DNM3: variants seen among roughly 807,000 people sequenced by gnomAD.
DNM3 encodes dynamin-3.
DNM3 carries 47 observed loss-of-function variants against 101.6 expected under a neutral mutation model. The observed-to-expected ratio is 0.46, with a 90% CI of 0.37 to 0.59. The LOEUF (loss-of-function observed/expected upper bound fraction) is 0.59, where lower values mean the gene tolerates loss of function less well. DNM3 is among the 20% of genes least tolerant of loss of function. The pLI, the probability that DNM3 is intolerant of heterozygous loss-of-function variation, is 0.00. For synonymous variants in DNM3, 385 were observed against 387.9 expected, an observed-to-expected ratio of 0.99 and a Z score of 0.09; for missense variants, 849 against 1,085.7, an observed-to-expected ratio of 0.78 and a Z score of 3.06.
chr1:172,193,399 C>T (rs538899461), intron 14 of DNM3, among the ~76,000 whole-genome samples: 1 of 152,236 alleles, frequency 6.6e-6, no homozygotes, highest in Admixed American at 6.6e-5. Flanking sequence ...AGGATTCCCT[C>T]TTTTTCTATT....
intron 1 of DNM3, among the ~76,000 whole-genome samples, chr1:171,852,440 G>A (rs2033086312): frequency 6.6e-6 from 1 of 152,198 alleles, no homozygotes; most frequent in South Asian, 2.1e-4. Flanking sequence ...TCCACAATAT[G>A]CCAGGAATTG....
chr1:172,241,314 G>A (rs2148650539), intron 14 of DNM3, among the ~76,000 whole-genome samples: 1 of 151,102 alleles, frequency 6.6e-6, no homozygotes, highest in African/African-American at 2.4e-5. Flanking sequence ...AAAAGTCCTG[G>A]AATTTCAAAA....
chr1:172,049,085 G>A (rs1183997105), intron 10 of DNM3, among the ~76,000 whole-genome samples: 6 of 152,172 alleles, frequency 3.9e-5, no homozygotes, highest in Non-Finnish European at 7.3e-5. Context: ...GTAATTGTTA[G>A]AGAAGGAAAT....
At chr1:172,099,772 G>A (rs2054504523) in intron 13 of DNM3, among the ~76,000 whole-genome samples, 1 of 152,224 alleles carries the variant, frequency 6.6e-6, no homozygotes. Flanking sequence ...CTGAAAGTCA[G>A]AGATGTTATT....
chr1:172,047,254 G>A (rs1450168641), intron 9 of DNM3, among the ~76,000 whole-genome samples: 2 of 152,148 alleles, frequency 1.3e-5, no homozygotes, highest in Non-Finnish European at 2.9e-5. Flanking sequence ...AAGGGAGGGA[G>A]ACAGTCCTTA....
intron 1 of DNM3, among the ~76,000 whole-genome samples, chr1:171,918,461 G>T (rs1190492347): frequency 6.6e-6 from 1 of 152,182 alleles, no homozygotes; most frequent in Non-Finnish European, 1.5e-5. Flanking sequence ...TTTTCATTTT[G>T]CTGGACCATC....
intron 14 of DNM3, among the ~76,000 whole-genome samples, chr1:172,185,640 C>G (rs2059496284): frequency 6.6e-6 from 1 of 152,010 alleles, no homozygotes; most frequent in South Asian, 2.1e-4. Flanking sequence ...TGTTTGTGCA[C>G]TTAGGAATCA....
At chr1:172,093,009 T>C (rs2054016346) in intron 13 of DNM3, 134 bp downstream of exon 13, 3 of 833,666 alleles carry the variant, frequency 3.6e-6, no homozygotes, top group East Asian at 5.9e-5. Context: ...TTTTGATTTG[T>C]TTTTGCTTTT....
chr1:172,128,406 G>C (rs2056757212), intron 13 of DNM3, among the ~76,000 whole-genome samples: 1 of 152,112 alleles, frequency 6.6e-6, no homozygotes, highest in South Asian at 2.1e-4. Context: ...GGTTTTAAAA[G>C]TTGGTAGCTG....
chr1:172,153,996 C>T (rs1271859195), intron 14 of DNM3, among the ~76,000 whole-genome samples: 4 of 151,826 alleles, frequency 2.6e-5, no homozygotes, highest in Non-Finnish European at 5.9e-5. Context: ...TAGACCTTAT[C>T]GTCTGTTCCA....
At chr1:172,405,311 G>C (rs2070793207) in intron 20 of DNM3, among the ~76,000 whole-genome samples, 3 of 151,924 alleles carry the variant, frequency 2.0e-5, no homozygotes, top group Admixed American at 2.0e-4. Flanking sequence ...GAATCTATTT[G>C]GGGGACACTG....
At chr1:171,973,831 T>A (rs1462436247) in intron 2 of DNM3, among the ~76,000 whole-genome samples, 2 of 151,990 alleles carry the variant, frequency 1.3e-5, no homozygotes, top group African/African-American at 4.8e-5. Flanking sequence ...GCCTGGCTAA[T>A]TTTTTGGATT....
intron 14 of DNM3, among the ~76,000 whole-genome samples, chr1:172,196,060 C>A (rs1021676731): frequency 3.3e-5 from 5 of 151,816 alleles, no homozygotes; most frequent in African/African-American, 9.6e-5. Context: ...CCTCTTCCCA[C>A]CCTCCACCCT....
At chr1:171,962,772 A>G (rs2043303533) in intron 2 of DNM3, among the ~76,000 whole-genome samples, 1 of 152,162 alleles carries the variant, frequency 6.6e-6, no homozygotes, top group African/African-American at 2.4e-5. Context: ...CAACACATGA[A>G]TTTTGGGGAG....
At chr1:171,853,597 A>G (rs1436368239) in intron 1 of DNM3, among the ~76,000 whole-genome samples, 1 of 152,106 alleles carries the variant, frequency 6.6e-6, no homozygotes, top group African/African-American at 2.4e-5. Context: ...TTTTATTTTT[A>G]AAATCTTCCT....
At chr1:172,081,615 TG>T (rs1268046346) in intron 11 of DNM3, among the ~76,000 whole-genome samples, 4 of 152,242 alleles carry the variant, frequency 2.6e-5, no homozygotes, top group African/African-American at 9.6e-5. Context: ...TCTCTTCATC[TG>T]CTGCTCAGAT....
At chr1:172,289,753 G>C in intron 15 of DNM3, 1 of 985,052 alleles carries the variant, frequency 1.0e-6, no homozygotes, top group Non-Finnish European at 1.2e-6. Context: ...TGTGTGTAAG[G>C]TTGTTTAGTA....
intron 2 of DNM3, among the ~76,000 whole-genome samples, chr1:171,940,916 T>C (rs1228450466): frequency 2.0e-5 from 3 of 152,224 alleles, no homozygotes; most frequent in Non-Finnish European, 4.4e-5. Context: ...TATATTTAAA[T>C]ATGATACTGG....
intron 11 of DNM3, among the ~76,000 whole-genome samples, chr1:172,080,143 C>T (rs150642626): frequency 0.042 from 6,398 of 152,192 alleles, 266 homozygotes; most frequent in East Asian, 0.14. Flanking sequence ...TAGCAGAGCT[C>T]GAGCACTGTG....
Sources: allele counts gnomAD v4.1 joint callset (sites outside exome capture counted in the v4.1 genomes callset), GRCh38; gene constraint gnomAD v4.1.1; transcripts MANE v1.5; gene names NCBI Gene and HGNC (gene_info 2026-07-23, HGNC 2026-07-21).